The following ZPBP variants were observed in gnomAD, a reference collection of about 807,000 sequenced individuals.
The protein encoded by ZPBP is zona pellucida-binding protein 1.
A neutral mutation model predicts 44.8 loss-of-function variants in ZPBP; 26 were observed. That is an observed-to-expected ratio of 0.58 (90% CI 0.43 to 0.81). The LOEUF (loss-of-function observed/expected upper bound fraction) is 0.81. ZPBP is among the 30% of genes least tolerant of loss of function. The pLI is 0.00. For synonymous variants in ZPBP, 174 were observed against 153.2 expected, an observed-to-expected ratio of 1.14 and a Z score of -1.00; for missense variants, 409 against 434.0, an observed-to-expected ratio of 0.94 and a Z score of 0.51.
chr7:50,041,633 C>T (rs768483435), intron 4 of ZPBP, among the ~76,000 whole-genome samples: 1 of 152,148 alleles, frequency 6.6e-6, no homozygotes, highest in Non-Finnish European at 1.5e-5. Context: ...GATGTTCACA[C>T]AAAAACCCCA....
chr7:50,076,484 G>A (rs1802087041), intron 3 of ZPBP, among the ~76,000 whole-genome samples: 2 of 151,876 alleles, frequency 1.3e-5, no homozygotes, highest in Non-Finnish European at 2.9e-5. Flanking sequence ...ATCCTTGTTT[G>A]CTGGTGATAT....
At chr7:49,993,443 T>C (rs540673724) in intron 6 of ZPBP, among the ~76,000 whole-genome samples, 3 of 152,230 alleles carry the variant, frequency 2.0e-5, no homozygotes. Context: ...TTAAACACAA[T>C]TGATTGAAAC....
intron 3 of ZPBP, among the ~76,000 whole-genome samples, chr7:50,068,542 C>A (rs571215024): frequency 1.4e-4 from 22 of 152,104 alleles, no homozygotes; most frequent in African/African-American, 4.8e-4. Context: ...AAACTCCTGT[C>A]CAGACTAGCT....
chr7:50,084,859 G>A (rs1802555574), intron 2 of ZPBP, among the ~76,000 whole-genome samples: 1 of 151,978 alleles, frequency 6.6e-6, no homozygotes, highest in African/African-American at 2.4e-5. Flanking sequence ...CTTCATAAAA[G>A]TCATGAGGAA....
At chr7:50,009,942 A>C (rs1209938280) in intron 6 of ZPBP, among the ~76,000 whole-genome samples, 1 of 152,152 alleles carries the variant, frequency 6.6e-6, no homozygotes, top group Non-Finnish European at 1.5e-5. Flanking sequence ...AACACATAAA[A>C]GATCTGTATA....
chr7:50,088,431 C>T (rs1802782761), intron 2 of ZPBP, among the ~76,000 whole-genome samples: 1 of 151,960 alleles, frequency 6.6e-6, no homozygotes, highest in Admixed American at 6.6e-5. Context: ...AATTAGACTT[C>T]TTTATCAAAG....
chr7:49,984,282 C>A (rs771177459), intron 6 of ZPBP, among the ~76,000 whole-genome samples: 1 of 152,178 alleles, frequency 6.6e-6, no homozygotes, highest in African/African-American at 2.4e-5. Context: ...GTAAATTACA[C>A]CTCTTCCATT....
At chr7:50,066,583 C>A (rs1339803143) in intron 3 of ZPBP, among the ~76,000 whole-genome samples, 2 of 152,212 alleles carry the variant, frequency 1.3e-5, no homozygotes, top group Non-Finnish European at 2.9e-5. Context: ...ATAGGCATGG[C>A]AAACATTCCT....
chr7:50,000,791 C>G lies in ZPBP; in HGVS notation c.784-17272G>C, dbSNP rs1288863348. ...TTTTGATGACCCAAGCTGCAATGAGCTGATTCATGCCCCCACCACCACATT... is the reference window on the plus strand; with the variant it reads ...TTTTGATGACCCAAGCTGCAATGAGGTGATTCATGCCCCCACCACCACATT... On this transcript the variant is annotated intron_variant, in intron 6 of 7. Transcript: ENST00000046087. Among the ~76,000 whole-genome samples, 3 of 152,128 alleles carry G rather than the reference C, an allele frequency of 2.0e-5. No homozygotes were observed. In the South Asian group the frequency reaches 6.2e-4, roughly 31 times the overall value.
chr7:49,850,225 ACTGTAGTAAC>A (rs201946077), downstream of ZPBP, among the ~76,000 whole-genome samples: 925 of 152,310 alleles, frequency 6.1e-3, 12 homozygotes, highest in African/African-American at 0.021. Context: ...TGAAGGTTTG[ACTGTAGTAAC>A]CTGTCCACTT....
intron 7 of ZPBP, among the ~76,000 whole-genome samples, chr7:49,974,677 C>G: frequency 6.6e-6 from 1 of 152,074 alleles, no homozygotes; most frequent in East Asian, 1.9e-4. Flanking sequence ...AACACAGAAA[C>G]AATTGTCACA....
intron 1 of ZPBP, chr7:49,916,324 G>C (rs1219673678): frequency 6.6e-6 from 1 of 152,120 alleles, no homozygotes; most frequent in African/African-American, 2.4e-5. Context: ...TCTGGGCCCT[G>C]GGTACCACAG....
chr7:50,084,597 A>C (rs1410645435), intron 2 of ZPBP, among the ~76,000 whole-genome samples: 2 of 151,998 alleles, frequency 1.3e-5, no homozygotes, highest in African/African-American at 4.8e-5. Context: ...AATGGTGGGC[A>C]CAAAAAATCA....
At chr7:49,915,966 T>C (rs181954868) in intron 1 of ZPBP, 63 of 152,312 alleles carry the variant, frequency 4.1e-4, no homozygotes, top group African/African-American at 1.2e-3. Flanking sequence ...ATACAGTCAG[T>C]AACTATTCTG....
intron 5 of ZPBP, among the ~76,000 whole-genome samples, chr7:50,023,058 A>G (rs1050819645): frequency 8.5e-5 from 13 of 152,060 alleles, no homozygotes; most frequent in Non-Finnish European, 1.3e-4. Context: ...AAACCAAACC[A>G]AAGTACAACA....
intron 2 of ZPBP, among the ~76,000 whole-genome samples, chr7:49,877,778 T>C (rs1207156565): frequency 6.6e-6 from 1 of 151,362 alleles, no homozygotes; most frequent in Non-Finnish European, 1.5e-5. Flanking sequence ...AGCCATATTA[T>C]TATTGTTGTC....
intron 2 of ZPBP, among the ~76,000 whole-genome samples, chr7:49,865,052 A>AT (rs1430300842): frequency 7.9e-5 from 12 of 152,164 alleles, no homozygotes; most frequent in Middle Eastern, 3.4e-3. Flanking sequence ...TAAAGATCTT[A>AT]TTTTTTGTAA....
downstream of ZPBP, among the ~76,000 whole-genome samples, chr7:49,932,478 G>A (rs2128750613): frequency 6.6e-6 from 1 of 152,364 alleles, no homozygotes; most frequent in East Asian, 1.9e-4. Context: ...CATGGGGCCT[G>A]CAGCCCCTTC....
At chr7:49,909,785 G>A (rs1383179997) in intron 1 of ZPBP, among the ~76,000 whole-genome samples, 1 of 152,162 alleles carries the variant, frequency 6.6e-6, no homozygotes, top group Admixed American at 6.5e-5. Flanking sequence ...CCTTAGGGCA[G>A]TGTCTGAACA....
Sources: gnomAD v4.1 joint callset for allele counts (sites outside exome capture counted in the v4.1 genomes callset) on GRCh38, gnomAD v4.1.1 for gene constraint, MANE v1.5 for transcripts, NCBI Gene and HGNC (gene_info 2026-07-23, HGNC 2026-07-21) for gene names.